Variants in RNF213 observed in about 807,000 individuals in gnomAD.
RNF213 encodes the protein ring finger protein 213.
A neutral mutation model predicts 514.4 loss-of-function variants in RNF213; 341 were observed. The observed-to-expected ratio is 0.66, with a 90% CI of 0.61 to 0.73. The LOEUF is 0.73. Among genes scored for constraint, RNF213 ranks in the 30% least tolerant of loss-of-function variants. The probability of loss-of-function intolerance (pLI) is 0.00; values close to 1 mark genes in which losing one functional copy is unlikely to be tolerated. For missense variants in RNF213, 5,767 were observed against 6,615.6 expected (o/e 0.87, Z 4.45); for synonymous variants, 2,655 against 2,658.2 (o/e 1.00, Z 0.04).
At chr17:80,292,049 G>A in intron 8 of RNF213, 1 of 612,660 alleles carries the variant, frequency 1.6e-6, no homozygotes, top group South Asian at 1.9e-5. Context: ...AGCTCAGTGT[G>A]ACTTACCTAC....
At chr17:80,281,977 C>A (rs899399794) in intron 3 of RNF213, among the ~76,000 whole-genome samples, 4 of 152,102 alleles carry the variant, frequency 2.6e-5, no homozygotes, top group African/African-American at 9.7e-5. Flanking sequence ...CTGCCTCAGC[C>A]TCCCGAGCAG....
chr17:80,310,988 A>G (rs2045552061), intron 14 of RNF213, among the ~76,000 whole-genome samples: 1 of 152,250 alleles, frequency 6.6e-6, no homozygotes, highest in Admixed American at 6.5e-5. Context: ...AATAAATGTC[A>G]TTGGTGAGAT....
Position 80,349,770 on chromosome 17 carries a change from A to G in RNF213, c.9952A>G (p.Ile3318Val), listed in dbSNP as rs147785564. ...DLERHAIFTE[I>V]TTFSRLLTSH... ...TAATTTGCATTTCTTAACTCTGTAG[A>G]TCACCACTTTCTCCAGGCTGCTAAC... The change falls in exon 30 of 68, where the codon ATC becomes GTC. Residue 3318 changes from isoleucine (I) to valine (V), a missense_variant and splice_region_variant. This residue lies in a region of RNF213 where 919 missense variants were observed against 1,121.0 expected (regional missense o/e 0.82). Coordinates refer to ENST00000582970, the MANE Select transcript of RNF213 (RefSeq NM_001256071.3). The G allele has an allele frequency of 2.9e-3, 4,674 of 1,614,032 alleles. 13 individuals are homozygous for G. The highest frequency in any genetic ancestry group is 9.1e-3 in the Middle Eastern group (55 of 6,062).
chr17:80,323,665 G>A (rs1000311782), intron 17 of RNF213, among the ~76,000 whole-genome samples: 10 of 152,092 alleles, frequency 6.6e-5, no homozygotes, highest in African/African-American at 2.2e-4. Context: ...ATATTGGTCA[G>A]GGTGGTCTCG....
At chr17:80,334,651 G>C (rs1451355235) in intron 22 of RNF213, among the ~76,000 whole-genome samples, 2 of 151,334 alleles carry the variant, frequency 1.3e-5, no homozygotes, top group Non-Finnish European at 2.9e-5. Context: ...TTTTGAGACA[G>C]AGTCTCGCTC....
Position 80,288,175 on chromosome 17 carries a change from T to G in RNF213, c.622T>G (p.Ser208Ala). The G allele has an allele frequency of 6.2e-7, 1 of 1,611,980 alleles. No individual in the cohort carries two copies. The highest frequency in any genetic ancestry group is 8.5e-7 in the Non-Finnish European group (1 of 1,178,976). Residue 208 changes from serine (S) to alanine (A), a missense_variant, in exon 4 of 68, where the codon TCC (serine) becomes GCC (alanine). This residue lies in a region of RNF213 where 509 missense variants were observed against 496.7 expected (regional missense o/e 1.02). Transcript: ENST00000582970. This position sits in a 1 kb window ranked among gnomAD's most constrained non-coding sequence, Gnocchi z 4.9. ...DHTEGEDQDA[S>A]IPSGGRGLSQ... ...CACGGAAGGGGAGGACCAGGACGCT[T>G]CCATCCCCTCTGGGGGCAGAGGCCT...
chr17:80,265,392 T>C (rs2043580857), intron 2 of RNF213, among the ~76,000 whole-genome samples: 1 of 152,210 alleles, frequency 6.6e-6, no homozygotes, highest in Non-Finnish European at 1.5e-5. Context: ...GCACTGGTAG[T>C]GCGCAGCATG....
At position 80,345,484 on chromosome 17, in the gene RNF213, C is replaced by A; in HGVS notation, c.7149C>A (p.Ile2383=). The A allele has an allele frequency of 1.2e-6, 2 of 1,609,616 alleles. No individual in the cohort carries two copies. Among genetic ancestry groups the A allele is most frequent in the Non-Finnish European group, 1.7e-6 (2 of 1,176,840 alleles). The change falls in exon 29 of 68, where the codon ATC becomes ATA. Residue 2383 remains isoleucine (I), a synonymous_variant. Transcript: ENST00000582970. The surrounding 1 kb of genome is among the most constrained non-coding windows in gnomAD (Gnocchi z 6.0). ...AGAGGCTCTGCCTGACCTTAGGGAT[C>A]CCCCAGGCCACCGACCCCGACAAAA... ...KLERLCLTLG[I]PQATDPDKTY...
rs2078441205 is a variant in RNF213 at position 80,349,886 on chromosome 17, C to T, written c.10068C>T (p.Tyr3356=). The change falls in exon 30 of 68, where the codon TAC becomes TAT. Residue 3356 remains tyrosine (Y), a synonymous_variant. Coordinates refer to ENST00000582970, the MANE Select transcript of RNF213 (RefSeq NM_001256071.3). ...LLWLQQFDTE[Y]SFLKEVRNCL... is the part of the protein sequence containing the mutation. ...GGCTGCAGCAGTTTGACACCGAGTACTCATTCCTCAAAGAAGTCCGGTGAG... is the reference window on the plus strand; with the variant it reads ...GGCTGCAGCAGTTTGACACCGAGTATTCATTCCTCAAAGAAGTCCGGTGAG... 6 of 1,613,778 alleles carry T rather than the reference C, an allele frequency of 3.7e-6. No homozygotes were observed. The highest frequency in any genetic ancestry group is 1.3e-5 in the African/African-American group (1 of 74,922).
At chr17:80,387,071 C>T (rs937206662) in intron 63 of RNF213, among the ~76,000 whole-genome samples, 180 bp downstream of exon 63, 1 of 152,256 alleles carries the variant, frequency 6.6e-6, no homozygotes, top group African/African-American at 2.4e-5. Flanking sequence ...CCGCAGGGCT[C>T]TCCTGAGCCC....
At chr17:80,319,526 A>G in intron 17 of RNF213, 1 of 1,612,750 alleles carries the variant, frequency 6.2e-7, no homozygotes, top group Non-Finnish European at 8.5e-7. Context: ...TGCTGCTCGC[A>G]CCATCCTGCA....
chr17:80,319,778 C>T lies in RNF213; in HGVS notation c.3024+466C>T, dbSNP rs2046076544. On this transcript the variant is annotated intron_variant, in intron 17 of 67. Coordinates refer to ENST00000582970, the MANE Select transcript of RNF213 (RefSeq NM_001256071.3). ...TTTCGGCAAAGGGGAAGAGATTGTGCCCCCCTGTCTCCCAGGAACAGTCTC... is the reference window on the plus strand; with the variant it reads ...TTTCGGCAAAGGGGAAGAGATTGTGTCCCCCTGTCTCCCAGGAACAGTCTC... The T allele has an allele frequency of 3.2e-6, 4 of 1,257,498 alleles. No individual in the cohort carries two copies. The South Asian group carries it at 6.3e-5, about 20-fold the overall frequency. 77.9% of individuals were successfully genotyped at this position (1,257,498 alleles called of 1,614,324 possible).
At chr17:80,350,602 TGGAATGG>T (rs2078473611) in intron 31 of RNF213, among the ~76,000 whole-genome samples, 1 of 152,128 alleles carries the variant, frequency 6.6e-6, no homozygotes, top group Non-Finnish European at 1.5e-5. Flanking sequence ...ACAAAAATAG[TGGAATGG>T]GCCTGGGCAA....
At chr17:80,296,656 C>T (rs1429077105) in intron 10 of RNF213, among the ~76,000 whole-genome samples, 2 of 152,144 alleles carry the variant, frequency 1.3e-5, no homozygotes, top group East Asian at 1.9e-4. Flanking sequence ...TGTCTTATCA[C>T]GACATCTGCC....
Position 80,377,928 on chromosome 17 carries a change from G to A in RNF213, c.13545+132G>A, listed in dbSNP as rs549686130. ...CACAGGCTCACCGAGGACTGCCCAGGGTGCTCTGAGCAGGGCAATGCCAAT... is the reference window on the plus strand; with the variant it reads ...CACAGGCTCACCGAGGACTGCCCAGAGTGCTCTGAGCAGGGCAATGCCAAT... On this transcript the variant is annotated intron_variant, in intron 54 of 67. Coordinates refer to ENST00000582970, the MANE Select transcript of RNF213 (RefSeq NM_001256071.3). The surrounding 1 kb of genome is among the most constrained non-coding windows in gnomAD (Gnocchi z 4.1). 7.6e-6 allele frequency: 8 copies of A among 1,050,146 alleles called. No individual in the cohort carries two copies. In the East Asian group the frequency reaches 1.7e-4, roughly 22 times the overall value. 65.1% of individuals were successfully genotyped at this position (1,050,146 alleles called of 1,614,324 possible). A position where few individuals can be genotyped will look rare whatever the true frequency, so the allele number is the denominator to read the frequency against.
At position 80,339,554 on chromosome 17, in the gene RNF213, A is replaced by G. The variant is rs1187528936; in HGVS notation, c.5187A>G (p.Leu1729=). 2 of 1,537,172 alleles carry G rather than the reference A, an allele frequency of 1.3e-6. No individual in the cohort carries two copies. The highest frequency in any genetic ancestry group is 1.7e-6 in the Non-Finnish European group (2 of 1,146,868). ...QPPSDAALTM[L]SFIKSNCTLR... is the part of the protein sequence containing the mutation. ...CGAGTGATGCCGCCCTAACGATGCT[A>G]TCCTTCATCAAAAGCAACTGCACCC... is the stretch of plus-strand genomic sequence containing the variant. Residue 1729 remains leucine, a synonymous_variant, in exon 26 of 68, where the codon CTA becomes CTG. Coordinates refer to ENST00000582970, the MANE Select transcript of RNF213 (RefSeq NM_001256071.3).
At chr17:80,324,909 C>T (rs2046238837) in intron 17 of RNF213, 121 bp from the exon 18 acceptor site, 4 of 1,014,638 alleles carry the variant, frequency 3.9e-6, no homozygotes, top group Admixed American at 4.9e-5. Context: ...TTTTTGTGGC[C>T]TTATAAAACA....
intron 29 of RNF213, among the ~76,000 whole-genome samples, chr17:80,348,747 C>T (rs1002553855): frequency 1.2e-4 from 18 of 152,170 alleles, no homozygotes; most frequent in African/African-American, 3.6e-4. Context: ...AGCCCCTCGC[C>T]GATGGGGAAG....
At position 80,377,913 on chromosome 17, in the gene RNF213, C is replaced by A. The variant is rs2079826882; in HGVS notation, c.13545+117C>A. ...GGCCTTCCAGGAGAGCACAGGCTCA[C>A]CGAGGACTGCCCAGGGTGCTCTGAG... On this transcript the variant is annotated intron_variant, in intron 54 of 67. Coordinates refer to ENST00000582970, the MANE Select transcript of RNF213 (RefSeq NM_001256071.3). The surrounding 1 kb of genome is among the most constrained non-coding windows in gnomAD (Gnocchi z 4.1). 8.5e-7 allele frequency: 1 copy of A among 1,171,520 alleles called. No homozygotes were observed. 72.6% of individuals were successfully genotyped at this position (1,171,520 alleles called of 1,614,324 possible).
Sources: allele counts gnomAD v4.1 joint callset (sites outside exome capture counted in the v4.1 genomes callset), GRCh38; gene constraint gnomAD v4.1.1; regional missense constraint gnomAD v4.1.1; non-coding constraint Gnocchi (gnomAD v3.1); transcripts MANE v1.5; gene names NCBI Gene and HGNC (gene_info 2026-07-23, HGNC 2026-07-21).